PHF14: variants seen among roughly 807,000 people sequenced by gnomAD.
PHF14 encodes PHD finger protein 14.
PHF14 carries 55 observed loss-of-function variants against 117.9 expected under a neutral mutation model. The observed-to-expected ratio is 0.47, with a 90% CI of 0.38 to 0.58. The LOEUF (loss-of-function observed/expected upper bound fraction) is 0.58, where lower values mean the gene tolerates loss of function less well. Among genes scored for constraint, PHF14 ranks in the 20% least tolerant of loss-of-function variants. The probability of loss-of-function intolerance (pLI) is 0.00; values close to 1 mark genes in which losing one functional copy is unlikely to be tolerated. For synonymous variants in PHF14, 409 were observed against 368.6 expected, an observed-to-expected ratio of 1.11 and a Z score of -1.26; for missense variants, 978 against 1,122.2, an observed-to-expected ratio of 0.87 and a Z score of 1.84.
chr7:11,106,703 TTTTA>T lies in PHF14; in HGVS notation c.2655-4642_2655-4639del, dbSNP rs1787278050. The T allele has an allele frequency of 5.1e-6, 5 of 984,474 alleles. No homozygotes were observed. In the South Asian group the frequency reaches 2.3e-4, roughly 46 times the overall value. 61.0% of individuals were successfully genotyped at this position (984,474 alleles called of 1,614,324 possible). ...TAGATGTTTGAGCTGCTAGTGAGAT[TTTTA>T]TTTAAGTAATGACAGTATTCAAGAC... is the stretch of plus-strand genomic sequence containing the variant. On this transcript the variant is annotated intron_variant, in intron 16 of 17. Coordinates refer to ENST00000634607, the MANE Select transcript of PHF14 (RefSeq NM_001007157.2).
At chr7:10,975,942 A>G (rs1781848574) in intron 2 of PHF14, among the ~76,000 whole-genome samples, 3 of 152,202 alleles carry the variant, frequency 2.0e-5, no homozygotes, top group African/African-American at 7.2e-5. Flanking sequence ...TTTTAGTAGC[A>G]TCAACAGCAG....
chr7:11,072,791 C>A (rs1169378593), intron 16 of PHF14, among the ~76,000 whole-genome samples: 1 of 152,164 alleles, frequency 6.6e-6, no homozygotes, highest in African/African-American at 2.4e-5. Context: ...CTGACATCTG[C>A]TTCTGGTGAG....
At position 11,107,261 on chromosome 7, in the gene PHF14, A is replaced by G. The variant is rs185766591; in HGVS notation, c.2655-4089A>G. ...TTGCTTGTTATATGGATCATAGCACATATGAAGGTAAATCATTTTTTTCCC... is the reference window on the plus strand; with the variant it reads ...TTGCTTGTTATATGGATCATAGCACGTATGAAGGTAAATCATTTTTTTCCC... On this transcript the variant is annotated intron_variant, in intron 16 of 17. Coordinates refer to ENST00000634607, the MANE Select transcript of PHF14 (RefSeq NM_001007157.2). 179 of 979,204 alleles carry G rather than the reference A, an allele frequency of 1.8e-4. No homozygotes were observed. The African/African-American group carries it at 2.9e-3, about 16-fold the overall frequency. The allele number at this position is 979,204 out of a possible 1,614,324, so 60.7% of individuals were successfully genotyped here.
At chr7:11,115,858 G>A (rs1167018497) in intron 17 of PHF14, among the ~76,000 whole-genome samples, 2 of 151,946 alleles carry the variant, frequency 1.3e-5, no homozygotes, top group African/African-American at 4.8e-5. Context: ...ATTTCACTGT[G>A]CATTTTTCAA....
chr7:11,018,609 T>C (rs1218070115), intron 5 of PHF14, among the ~76,000 whole-genome samples: 1 of 152,226 alleles, frequency 6.6e-6, no homozygotes, highest in African/African-American at 2.4e-5. Flanking sequence ...TTTGCAACTT[T>C]ACTGAATTTA....
At chr7:11,095,611 C>T (rs975709336) in intron 16 of PHF14, among the ~76,000 whole-genome samples, 3 of 152,158 alleles carry the variant, frequency 2.0e-5, no homozygotes, top group African/African-American at 2.4e-5. Context: ...TACTCTCAGG[C>T]ATCCATTAAA....
Position 10,974,307 on chromosome 7 carries a change from C to T in PHF14, c.-17C>T, listed in dbSNP as rs374112332. The T allele has an allele frequency of 1.9e-6, 3 of 1,588,852 alleles. No individual in the cohort carries two copies. The highest frequency in any genetic ancestry group is 2.7e-5 in the African/African-American group (2 of 74,348). The stretch of plus-strand genomic sequence containing the variant: ...TCTCCCTAAGTCTTCTCCAAACGAC[C>T]ACCTCACGGATTCCTTAGTAAGTGT... On this transcript the variant is annotated 5_prime_UTR_variant, in exon 1 of 18. Coordinates refer to ENST00000634607, the MANE Select transcript of PHF14 (RefSeq NM_001007157.2).
chr7:11,095,277 A>G (rs923192267), intron 16 of PHF14, among the ~76,000 whole-genome samples: 7 of 152,274 alleles, frequency 4.6e-5, no homozygotes, highest in African/African-American at 1.7e-4. Context: ...AAGTGAGAAA[A>G]CTGAGGCAAG....
intron 4 of PHF14, among the ~76,000 whole-genome samples, chr7:10,992,628 A>T (rs1782502516): frequency 2.6e-5 from 4 of 151,968 alleles, no homozygotes; most frequent in African/African-American, 9.7e-5. Context: ...GTGCCACTGT[A>T]CTCCAGCCTG....
chr7:11,034,635 C>T (rs933260081), intron 7 of PHF14, among the ~76,000 whole-genome samples: 4 of 142,704 alleles, frequency 2.8e-5, no homozygotes, highest in Admixed American at 1.5e-4. Flanking sequence ...TACAACATCT[C>T]CCTCCTGTAT....
At chr7:11,090,430 T>A (rs1786599766) in intron 16 of PHF14, among the ~76,000 whole-genome samples, 1 of 152,202 alleles carries the variant, frequency 6.6e-6, no homozygotes, top group Non-Finnish European at 1.5e-5. Flanking sequence ...ACTGAAATCT[T>A]CCAGACCCAT....
intron 17 of PHF14, among the ~76,000 whole-genome samples, chr7:11,143,497 C>G (rs1402863022): frequency 6.6e-6 from 1 of 151,954 alleles, no homozygotes; most frequent in Non-Finnish European, 1.5e-5. Flanking sequence ...AGAAATAATA[C>G]ATTTTTGACT....
At chr7:11,007,147 C>T (rs1033879126) in intron 4 of PHF14, among the ~76,000 whole-genome samples, 14 of 151,846 alleles carry the variant, frequency 9.2e-5, no homozygotes, top group African/African-American at 2.9e-4. Context: ...GAGCCGAGAT[C>T]GCGCCATTGC....
At chr7:10,999,234 C>T (rs1233093385) in intron 4 of PHF14, among the ~76,000 whole-genome samples, 1 of 152,198 alleles carries the variant, frequency 6.6e-6, no homozygotes, top group Non-Finnish European at 1.5e-5. Flanking sequence ...AGGCTGCCCC[C>T]TGATAGTAAG....
intron 16 of PHF14, among the ~76,000 whole-genome samples, chr7:11,084,676 C>T (rs1786311070): frequency 6.6e-6 from 1 of 152,016 alleles, no homozygotes; most frequent in African/African-American, 2.4e-5. Flanking sequence ...GTGTGCTAGG[C>T]CAAAATTATA....
At chr7:11,091,788 A>G (rs751554572) in intron 16 of PHF14, among the ~76,000 whole-genome samples, 16 of 152,212 alleles carry the variant, frequency 1.1e-4, no homozygotes, top group Non-Finnish European at 1.9e-4. Context: ...TATAAAGAGG[A>G]TTAGAACTCT....
intron 16 of PHF14, chr7:11,103,249 C>G: frequency 3.4e-6 from 3 of 891,480 alleles, no homozygotes; most frequent in Non-Finnish European, 4.0e-6. Flanking sequence ...AAAGATATAT[C>G]TGTGTTGATC....
intron 16 of PHF14, among the ~76,000 whole-genome samples, chr7:11,082,308 A>G (rs961469542): frequency 3.3e-5 from 5 of 152,190 alleles, no homozygotes; most frequent in African/African-American, 1.2e-4. Context: ...TGATCACGTC[A>G]CTGTACTCCA....
intron 17 of PHF14, among the ~76,000 whole-genome samples, chr7:11,145,296 T>TTAC (rs75235655): frequency 0.014 from 1 of 72 alleles, no homozygotes; most frequent in Admixed American, 0.17. Flanking sequence ...TTTTTCTCTC[T>TTAC]TTTTTAAAAT....
Sources: allele counts gnomAD v4.1 joint callset (sites outside exome capture counted in the v4.1 genomes callset), GRCh38; gene constraint gnomAD v4.1.1; transcripts MANE v1.5; gene names NCBI Gene and HGNC (gene_info 2026-07-23, HGNC 2026-07-21).